Variants in GMNC observed in about 807,000 individuals in gnomAD.
The protein encoded by GMNC is geminin coiled-coil domain containing, also known as geminin coiled-coil domain-containing protein 1.
A neutral mutation model predicts 33.6 loss-of-function variants in GMNC; 16 were observed. The observed-to-expected ratio is 0.48, with a 90% CI of 0.32 to 0.72. The LOEUF is 0.72. GMNC is among the 30% of genes least tolerant of loss of function. The pLI, the probability that GMNC is intolerant of heterozygous loss-of-function variation, is 0.03. For missense variants in GMNC, 393 were observed against 388.9 expected (o/e 1.01, Z -0.09); for synonymous variants, 156 against 147.3 (o/e 1.06, Z -0.43).
rs1166523576 is a variant in GMNC, at chr3:190,862,270, ATATGC to A, written c.3+338_3+342del. Among the ~76,000 whole-genome samples the A allele has an allele frequency of 6.6e-6, 1 of 152,120 alleles. No homozygotes were observed. The highest frequency in any genetic ancestry group is 1.5e-5 in the Non-Finnish European group (1 of 67,998). ...AGTTCATGTCCAAGTGTTTGCAAAT[ATATGC>A]ATAATCTAGAGGAAGAGGTAGAATG... On this transcript the variant is annotated intron_variant, in intron 1 of 4. Coordinates refer to ENST00000442080, the MANE Select transcript of GMNC (RefSeq NM_001146686.3). This position sits in a 1 kb window ranked among gnomAD's most constrained non-coding sequence, Gnocchi z 4.5.
rs1220542899 is a variant in GMNC, at chr3:190,860,666, C to T, written c.178+18G>A. 1 of 1,535,792 alleles carries T rather than the reference C, an allele frequency of 6.5e-7. No homozygotes were observed. Among genetic ancestry groups the T allele is most frequent in the Middle Eastern group, 2.1e-4 (1 of 4,756 alleles). ...AAGAGCTCCAGATCTATCAGGGAAGCAGAAGAGCAGAACTTACCCTGTGCC... is the reference window on the plus strand; with the variant it reads ...AAGAGCTCCAGATCTATCAGGGAAGTAGAAGAGCAGAACTTACCCTGTGCC... On this transcript the variant is annotated intron_variant, in intron 2 of 4. Coordinates refer to ENST00000442080, the MANE Select transcript of GMNC (RefSeq NM_001146686.3).
Position 190,853,378 on chromosome 3 carries a change from T to C in GMNC, c.*1917A>G, listed in dbSNP as rs1372941234. The C allele has an allele frequency of 6.6e-6, 1 of 152,250 alleles. No homozygotes were observed. The highest frequency in any genetic ancestry group is 6.5e-5 in the Admixed American group (1 of 15,270). 9.4% of individuals were successfully genotyped at this position (152,250 alleles called of 1,614,324 possible). On this transcript the variant is annotated 3_prime_UTR_variant, in exon 5 of 5. Coordinates refer to ENST00000442080, the MANE Select transcript of GMNC (RefSeq NM_001146686.3). ...GACCAGGGGCCCAGATACCAGAATG[T>C]AAAAGGCACAGTTATTTATTTTATT...
rs1399110589 is a variant in GMNC at position 190,855,580 on chromosome 3, A to G, written c.720T>C (p.Asp240=). The G allele has an allele frequency of 1.3e-6, 2 of 1,551,590 alleles. No homozygotes were observed. Among genetic ancestry groups the G allele is most frequent in the Admixed American group, 3.9e-5 (2 of 51,004 alleles). The change falls in exon 5 of 5, where the codon GAT becomes GAC. Residue 240 remains aspartate, a synonymous_variant. Transcript: ENST00000442080. ...TGTCACCTCTATAGTCAATTGGCAT[A>G]TCCTCTCTGGGGATATTTTTATAAT... ...AVDYKNIPRE[D]MPIDYRGDRT...
chr3:190,848,475 G>A (rs1037300943), downstream of GMNC, among the ~76,000 whole-genome samples: 2 of 152,002 alleles, frequency 1.3e-5, no homozygotes, highest in Admixed American at 6.6e-5. Flanking sequence ...CTTACTAACT[G>A]GTAAACTCTT....
chr3:190,852,264 C>T (rs1426276164), downstream of GMNC, among the ~76,000 whole-genome samples: 1 of 152,026 alleles, frequency 6.6e-6, no homozygotes, highest in Non-Finnish European at 1.5e-5. Flanking sequence ...ATCCATTTGT[C>T]ATTCTTCCTT....
chr3:190,859,678 C>T (rs1056681091), intron 2 of GMNC: 1 of 290,950 alleles, frequency 3.4e-6, no homozygotes, highest in Non-Finnish European at 6.9e-6. Flanking sequence ...TTTCAAAGTG[C>T]CTTTTCCCCC....
intron 4 of GMNC, among the ~76,000 whole-genome samples, chr3:190,857,447 G>A (rs985696775): frequency 2.6e-4 from 40 of 152,066 alleles, no homozygotes; most frequent in African/African-American, 9.7e-4. Flanking sequence ...TAAAAGAACT[G>A]AGTGTCTTTT....
chr3:190,850,274 G>A (rs1737612836), downstream of GMNC, among the ~76,000 whole-genome samples: 1 of 152,232 alleles, frequency 6.6e-6, no homozygotes, highest in South Asian at 2.1e-4. Context: ...CTGACAGCCT[G>A]TTGACTGTAA....
At chr3:190,846,203 G>C in the GMNC span, among the ~76,000 whole-genome samples, 1 of 152,070 alleles carries the variant, frequency 6.6e-6, no homozygotes, top group East Asian at 1.9e-4. Context: ...ACTCCAACCT[G>C]GGTGACAGAG....
chr3:190,855,072 G>A lies in GMNC; in HGVS notation c.*223C>T. 1 of 550,334 alleles carries A rather than the reference G, an allele frequency of 1.8e-6. No individual in the cohort carries two copies. Among genetic ancestry groups the A allele is most frequent in the East Asian group, 3.1e-5 (1 of 32,278 alleles). The allele number at this position is 550,334 out of a possible 1,614,324, so 34.1% of individuals were successfully genotyped here. On this transcript the variant is annotated 3_prime_UTR_variant, in exon 5 of 5. Coordinates refer to ENST00000442080, the MANE Select transcript of GMNC (RefSeq NM_001146686.3). ...GAGGATGTCAATAGCAGGTATTGGT[G>A]TGTAAACAAGTCAAATTTAGGTAAA...
intron 3 of GMNC, chr3:190,858,118 T>C: frequency 1.9e-6 from 1 of 538,958 alleles, no homozygotes; most frequent in South Asian, 2.7e-5. Flanking sequence ...TTGCAAAGCA[T>C]TTGGAGAGAT....
At position 190,854,340 on chromosome 3, in the gene GMNC, C is replaced by G. The variant is rs922191713; in HGVS notation, c.*955G>C. The G allele has an allele frequency of 7.9e-5, 12 of 152,144 alleles. No individual in the cohort carries two copies. The highest frequency in any genetic ancestry group is 2.9e-4 in the African/African-American group (12 of 41,442). The allele number at this position is 152,144 out of a possible 1,614,324, so 9.4% of individuals were successfully genotyped here. ...AATTGCTTGTATTTTATCACCATCA[C>G]ATAGCATAGTGCCTGGTACAAAGTA... is the stretch of plus-strand genomic sequence containing the variant. On this transcript the variant is annotated 3_prime_UTR_variant, in exon 5 of 5. Coordinates refer to ENST00000442080, the MANE Select transcript of GMNC (RefSeq NM_001146686.3).
downstream of GMNC, among the ~76,000 whole-genome samples, chr3:190,852,232 T>G (rs1737645951): frequency 6.6e-6 from 1 of 152,160 alleles, no homozygotes; most frequent in African/African-American, 2.4e-5. Context: ...TCTCCACATC[T>G]ATGCTACAGG....
chr3:190,849,310 G>A (rs932841203), downstream of GMNC, among the ~76,000 whole-genome samples: 3 of 152,192 alleles, frequency 2.0e-5, no homozygotes, highest in African/African-American at 4.8e-5. Context: ...TCATGGGTGG[G>A]CCACCTGGCA....
chr3:190,861,638 T>C lies in GMNC; in HGVS notation c.4-780A>G, dbSNP rs1415859143. Among the ~76,000 whole-genome samples the C allele has an allele frequency of 3.3e-5, 5 of 152,184 alleles. No homozygotes were observed. Among genetic ancestry groups the C allele is most frequent in the Admixed American group, 1.3e-4 (2 of 15,278 alleles). On this transcript the variant is annotated intron_variant, in intron 1 of 4. Coordinates refer to ENST00000442080, the MANE Select transcript of GMNC (RefSeq NM_001146686.3). The surrounding 1 kb of genome is among the most constrained non-coding windows in gnomAD (Gnocchi z 5.1). ...GCAAAGACAGCAAGCTCTAGTTCTGTCCATCACTAGGGCTCAGTGCCCCTC... is the reference window on the plus strand; with the variant it reads ...GCAAAGACAGCAAGCTCTAGTTCTGCCCATCACTAGGGCTCAGTGCCCCTC...
chr3:190,843,831 CT>C, the GMNC span, among the ~76,000 whole-genome samples: 1 of 152,138 alleles, frequency 6.6e-6, no homozygotes, highest in African/African-American at 2.4e-5. Context: ...GATAATGTTT[CT>C]CCACATTCCT....
the GMNC span, among the ~76,000 whole-genome samples, chr3:190,844,434 T>G: frequency 6.6e-6 from 1 of 151,432 alleles, no homozygotes. Context: ...TGTTTTTAAA[T>G]AATTTAATAC....
chr3:190,862,539 C>A lies in GMNC; in HGVS notation c.3+74G>T. On this transcript the variant is annotated intron_variant, in intron 1 of 4. Transcript: ENST00000442080. The surrounding 1 kb of genome is among the most constrained non-coding windows in gnomAD (Gnocchi z 4.5). ...TCTTGCTCCGAAGGTGGAATAAATT[C>A]TAAATGCAAAGCTTATTAACTTTCA... is the stretch of plus-strand genomic sequence containing the variant. The A allele has an allele frequency of 1.7e-6, 2 of 1,157,568 alleles. No individual in the cohort carries two copies. Among genetic ancestry groups the A allele is most frequent in the Non-Finnish European group, 2.5e-6 (2 of 786,992 alleles). The allele number at this position is 1,157,568 out of a possible 1,614,324, so 71.7% of individuals were successfully genotyped here. A position where few individuals can be genotyped will look rare whatever the true frequency, so the allele number is the denominator to read the frequency against.
Position 190,860,865 on chromosome 3 carries a change from A to G in GMNC, c.4-7T>C, listed in dbSNP as rs1174944886. The stretch of plus-strand genomic sequence containing the variant: ...GGCAAGGCAGAATGGTGTTCTGTGA[A>G]ATTCAGTATGGGGGGAGTGAGGGGT... On this transcript the variant is annotated splice_region_variant and splice_polypyrimidine_tract_variant and intron_variant, in intron 1 of 4. Transcript: ENST00000442080. 1 of 1,540,168 alleles carries G rather than the reference A, an allele frequency of 6.5e-7. No homozygotes were observed. The highest frequency in any genetic ancestry group is 8.8e-7 in the Non-Finnish European group (1 of 1,138,986).
Sources: allele counts gnomAD v4.1 joint callset (sites outside exome capture counted in the v4.1 genomes callset), GRCh38; gene constraint gnomAD v4.1.1; non-coding constraint Gnocchi (gnomAD v3.1); transcripts MANE v1.5; gene names NCBI Gene and HGNC (gene_info 2026-07-23, HGNC 2026-07-21).